Variants in ENKUR observed in about 807,000 individuals in gnomAD.
ENKUR encodes the protein enkurin, TRPC channel interacting protein, also known as enkurin.
In ENKUR, 19 loss-of-function variants were observed where a neutral mutation model predicts 27.6. The ratio of observed to expected loss-of-function variants is 0.69; its 90% CI spans 0.48 to 1.01. The LOEUF (loss-of-function observed/expected upper bound fraction) is 1.01. Among genes scored for constraint, ENKUR ranks in the 50% least tolerant of loss-of-function variants. The pLI is 0.00. For missense variants in ENKUR, 312 were observed against 310.5 expected, an observed-to-expected ratio of 1.00 and a Z score of -0.04; for synonymous variants, 117 against 96.9, an observed-to-expected ratio of 1.21 and a Z score of -1.22.
chr10:24,984,899 T>G lies in ENKUR; in HGVS notation c.601A>C (p.Lys201Gln), dbSNP rs1849748945. 3 of 1,611,626 alleles carry G rather than the reference T, an allele frequency of 1.9e-6. No individual in the cohort carries two copies. The highest frequency in any genetic ancestry group is 2.5e-6 in the Non-Finnish European group (3 of 1,179,254). The part of the protein sequence containing the change: ...EEREAVLQGL[K>Q]KNWEEVHKEF... ...TTATGCACCTCTTCCCAGTTCTTTT[T>G]CAGCCCCTGCAAATGGTCAAGAAAC... The change falls in exon 5 of 6, where the codon AAA becomes CAA. Residue 201 changes from lysine to glutamine, a missense_variant. Transcript: ENST00000331161.
intron 2 of ENKUR, among the ~76,000 whole-genome samples, chr10:25,059,515 A>G (rs1157079676): frequency 6.6e-6 from 1 of 152,176 alleles, no homozygotes; most frequent in Non-Finnish European, 1.5e-5. Context: ...TAAAGTAACA[A>G]ACATCAAGGC....
At chr10:25,050,489 C>G (rs949935771) in intron 2 of ENKUR, among the ~76,000 whole-genome samples, 2 of 152,052 alleles carry the variant, frequency 1.3e-5, no homozygotes, top group East Asian at 3.9e-4. Context: ...TTTATAAAAC[C>G]GTTAGATTTC....
Position 24,995,849 on chromosome 10 carries a change from C to G in ENKUR, c.244G>C (p.Val82Leu), listed in dbSNP as rs191676786. The part of the protein sequence containing the change: ...LPPKKNFDRN[V>L]PKKPAVPLKT... ...AATGGCACAGCAGGCTTTTTGGGCA[C>G]GTTCCGATCAAAGTTTTTTTCTGTT... The change falls in exon 3 of 6, where the codon GTG becomes CTG. Residue 82 changes from valine (V) to leucine (L), a missense_variant. Physicochemically the swap from Val to Leu is conservative, Grantham distance 32. Coordinates refer to ENST00000331161, the MANE Select transcript of ENKUR (RefSeq NM_145010.4). 1.9e-5 allele frequency: 31 copies of G among 1,604,096 alleles called. No individual in the cohort carries two copies. The Admixed American group carries it at 3.0e-4, about 15-fold the overall frequency.
At chr10:25,060,145 G>T (rs940240850) in intron 2 of ENKUR, among the ~76,000 whole-genome samples, 6 of 152,146 alleles carry the variant, frequency 3.9e-5, no homozygotes, top group Non-Finnish European at 7.3e-5. Flanking sequence ...GTCTGTACAA[G>T]GAGAGGCCAA....
chr10:25,037,899 A>G (rs1225013105), intron 2 of ENKUR, among the ~76,000 whole-genome samples: 1 of 152,096 alleles, frequency 6.6e-6, no homozygotes, highest in Admixed American at 6.5e-5. Context: ...CATCGTTATC[A>G]TTTTCACAAT....
chr10:25,002,417 G>A (rs73608213), intron 1 of ENKUR, among the ~76,000 whole-genome samples: 4,391 of 152,230 alleles, frequency 0.029, 144 homozygotes, highest in African/African-American at 0.078. Flanking sequence ...CCTTAACTCA[G>A]GGAGACTCCT....
At chr10:24,984,510 A>G in intron 5 of ENKUR, 134 bp from the exon 6 acceptor site, 1 of 1,234,558 alleles carries the variant, frequency 8.1e-7, no homozygotes, top group Non-Finnish European at 1.1e-6. Flanking sequence ...CATATTCTCA[A>G]ATTTAATAGT....
intron 1 of ENKUR, among the ~76,000 whole-genome samples, chr10:25,007,170 CT>C (rs1458059536): frequency 1.3e-5 from 2 of 152,262 alleles, no homozygotes; most frequent in Non-Finnish European, 2.9e-5. Context: ...TTTCCCTGAT[CT>C]GTAAAAATGA....
intron 2 of ENKUR, among the ~76,000 whole-genome samples, chr10:25,042,763 G>A (rs1277454692): frequency 6.6e-6 from 1 of 151,942 alleles, no homozygotes. Flanking sequence ...TTGGGGGTGG[G>A]AGGATTGCTT....
At chr10:24,991,464 T>C (rs1849926489) in intron 3 of ENKUR, among the ~76,000 whole-genome samples, 1 of 148,990 alleles carries the variant, frequency 6.7e-6, no homozygotes. Context: ...AACACATCAA[T>C]GGAAGAACGT....
chr10:24,988,406 A>G (rs1171619491), intron 4 of ENKUR, among the ~76,000 whole-genome samples: 1 of 145,698 alleles, frequency 6.9e-6, no homozygotes, highest in African/African-American at 2.5e-5. Context: ...ATATATGTGT[A>G]TATATATTTA....
intron 1 of ENKUR, among the ~76,000 whole-genome samples, chr10:25,014,823 T>C (rs1325099285): frequency 2.6e-5 from 4 of 152,316 alleles, no homozygotes; most frequent in Non-Finnish European, 5.9e-5. Context: ...TTAAACCAGA[T>C]ACTTAAAATT....
At chr10:25,023,340 T>A (rs780289017) in intron 2 of ENKUR, 2 of 1,614,036 alleles carry the variant, frequency 1.2e-6, no homozygotes, top group African/African-American at 1.3e-5. Context: ...CCTTTGCACT[T>A]GCGGAATTGA....
intron 2 of ENKUR, among the ~76,000 whole-genome samples, chr10:25,030,217 C>G (rs7393543): frequency 0.43 from 64,910 of 151,850 alleles, 14,487 homozygotes; most frequent in African/African-American, 0.56. Flanking sequence ...CCTTTTACTT[C>G]GTTTATTCCA....
Position 24,982,986 on chromosome 10 carries a change from T to C in ENKUR, c.*1384A>G, listed in dbSNP as rs927709411. On this transcript the variant is annotated 3_prime_UTR_variant, in exon 6 of 6. Transcript: ENST00000331161. ...AGAATATTTTTGCATTGCTACTGAT[T>C]TTGAATTATTTAAAAATGAGTATGT... The C allele has an allele frequency of 6.6e-6, 1 of 152,184 alleles. No homozygotes were observed. Among genetic ancestry groups the C allele is most frequent in the Non-Finnish European group, 1.5e-5 (1 of 68,034 alleles). 9.4% of individuals were successfully genotyped at this position (152,184 alleles called of 1,614,324 possible). A position where few individuals can be genotyped will look rare whatever the true frequency, so the allele number is the denominator to read the frequency against.
intron 1 of ENKUR, among the ~76,000 whole-genome samples, chr10:25,010,575 C>A (rs1850418774): frequency 6.6e-6 from 1 of 151,604 alleles, no homozygotes; most frequent in South Asian, 2.1e-4. Context: ...GGTATATCTC[C>A]TAATGCTATC....
At chr10:25,012,162 G>A (rs1449098491) in intron 1 of ENKUR, among the ~76,000 whole-genome samples, 1 of 152,240 alleles carries the variant, frequency 6.6e-6, no homozygotes, top group Non-Finnish European at 1.5e-5. Flanking sequence ...ATTGAGGTTT[G>A]GGAACCTCCA....
rs1438183902 is a variant in ENKUR, at chr10:25,023,869, G to A, written c.38-28000C>T. 3.1e-6 allele frequency: 5 copies of A among 1,614,086 alleles called. No individual in the cohort carries two copies. In the Admixed American group the frequency reaches 5.0e-5, roughly 16 times the overall value. On this transcript the variant is annotated intron_variant, in intron 2 of 5. Transcript: ENST00000615958. ...TTCCCCAGAGGAGGTAGCTGACAAA[G>A]TGCTGAATGCAATTAAAAGATACCA...
At chr10:25,022,729 C>A (rs1439940254) in intron 2 of ENKUR, among the ~76,000 whole-genome samples, 1 of 152,114 alleles carries the variant, frequency 6.6e-6, no homozygotes, top group Non-Finnish European at 1.5e-5. Context: ...TATTGTTCAA[C>A]TTTTGTGAAT....
Sources: gnomAD v4.1 joint callset for allele counts (sites outside exome capture counted in the v4.1 genomes callset) on GRCh38, gnomAD v4.1.1 for gene constraint, MANE v1.5 for transcripts, NCBI Gene and HGNC (gene_info 2026-07-23, HGNC 2026-07-21) for gene names.